Variants in PRSS3 observed in about 807,000 individuals in gnomAD.
The protein encoded by PRSS3 is serine protease 3.
Under a neutral mutation model 20.8 loss-of-function variants are expected in PRSS3, and 14 were observed. The ratio of observed to expected loss-of-function variants is 0.67; its 90% CI spans 0.44 to 1.05. PRSS3 has a LOEUF of 1.05. PRSS3 is among the 50% of genes least tolerant of loss of function. The pLI is 0.00. For synonymous variants in PRSS3, 91 were observed against 117.6 expected, an observed-to-expected ratio of 0.77 and a Z score of 1.46; for missense variants, 237 against 306.4, an observed-to-expected ratio of 0.77 and a Z score of 1.69.
chr9:33,775,229 CT>C (rs747345497), intron 1 of PRSS3, among the ~76,000 whole-genome samples: 52 of 152,080 alleles, frequency 3.4e-4, no homozygotes, highest in Admixed American at 3.4e-3. Flanking sequence ...GAGATTGTGG[CT>C]TTTTCTGCCT....
chr9:33,798,061 G>C lies in PRSS3; in HGVS notation c.433G>C (p.Gly145Arg). Residue 145 changes from glycine to arginine, a missense_variant, in exon 3 of 5, where the codon GGC (glycine) becomes CGC (arginine). Physicochemically the swap from Gly to Arg is moderately radical, Grantham distance 125. Transcript: ENST00000379405. The stretch of plus-strand genomic sequence containing the variant: ...CACTGAGTGCCTCATCTCCGGCTGG[G>C]GCAACACTCTGAGCTTTGGTGGTGA... The part of the protein sequence containing the change: ...AGTECLISGW[G>R]NTLSFGADYP... 6.2e-7 allele frequency: 1 copy of C among 1,614,236 alleles called. No homozygotes were observed. The highest frequency in any genetic ancestry group is 8.5e-7 in the Non-Finnish European group (1 of 1,180,034).
intron 1 of PRSS3, chr9:33,786,050 A>AGC (rs1824395752): frequency 3.7e-6 from 1 of 269,296 alleles, no homozygotes; most frequent in African/African-American, 2.3e-5. Flanking sequence ...CTGAGTGAAG[A>AGC]GCCACACAGT....
rs145160644 is a variant in PRSS3 at position 33,764,606 on chromosome 9, G to A, written c.-53+13879G>A. On this transcript the variant is annotated intron_variant, in intron 1 of 5. Coordinates refer to the PRSS3 transcript ENST00000342836. ...AATTCTTAGAAGAAAACATAGAAGT[G>A]GGTTTTCTGACCTTTGGTTAAGCAG... Among the ~76,000 whole-genome samples the A allele has an allele frequency of 8.9e-3, 1,360 of 152,186 alleles. 11 individuals are homozygous for A. Among genetic ancestry groups the A allele is most frequent in the Middle Eastern group, 0.034 (10 of 294 alleles).
rs1315789494 is a variant in PRSS3, at chr9:33,752,145, T to C, written c.-53+1418T>C. Among the ~76,000 whole-genome samples, 3 of 152,200 alleles carry C rather than the reference T, an allele frequency of 2.0e-5. No homozygotes were observed. The East Asian group carries it at 5.8e-4, about 29-fold the overall frequency. ...ATGAAGAAGGAAACAGTGCCCCCAC[T>C]TACTTATCCTCAGGCCACACCTGTT... On this transcript the variant is annotated intron_variant, in intron 1 of 5. Transcript: ENST00000342836.
chr9:33,790,691 T>C (rs1309515455), upstream of PRSS3, among the ~76,000 whole-genome samples: 1 of 152,254 alleles, frequency 6.6e-6, no homozygotes, highest in African/African-American at 2.4e-5. Context: ...CCCATTTCTA[T>C]ACCTCCTCAC....
Position 33,798,080 on chromosome 9 carries a change from G to A in PRSS3, c.452G>A (p.Gly151Asp), listed in dbSNP as rs368331698. The A allele has an allele frequency of 4.7e-5, 76 of 1,614,226 alleles. 1 individual carries two copies. The African/African-American group carries it at 5.2e-4, about 11-fold the overall frequency. The change falls in exon 3 of 5, where the codon GGT becomes GAT. Residue 151 changes from glycine to aspartate, a missense_variant and splice_region_variant. Gly to Asp is a moderately conservative substitution (Grantham distance 94). Coordinates refer to ENST00000379405, the MANE Select transcript of PRSS3 (RefSeq NM_002771.4). ...GGCTGGGGCAACACTCTGAGCTTTG[G>A]TGGTGAGTGGGACCCTTTGTCCTTC... ...ISGWGNTLSF[G>D]ADYPDELKCL...
chr9:33,786,712 G>C (rs765851101), intron 1 of PRSS3: 22 of 766,130 alleles, frequency 2.9e-5, no homozygotes, highest in African/African-American at 1.4e-4. Flanking sequence ...CCACATATGA[G>C]AGCAGATTTG....
At chr9:33,793,285 G>C (rs1318004183), upstream of PRSS3, among the ~76,000 whole-genome samples, 1 of 152,244 alleles carries the variant, frequency 6.6e-6, no homozygotes, top group Non-Finnish European at 1.5e-5. Flanking sequence ...GTGCACACTG[G>C]TGTCTACAGT....
intron 1 of PRSS3, among the ~76,000 whole-genome samples, chr9:33,772,515 G>T (rs1402142901): frequency 6.6e-6 from 1 of 152,102 alleles, no homozygotes; most frequent in East Asian, 1.9e-4. Context: ...TGAGTTGCCT[G>T]AATTTTAATG....
chr9:33,769,184 A>G (rs10758229), intron 1 of PRSS3, among the ~76,000 whole-genome samples: 112,759 of 152,106 alleles, frequency 0.74, 41,838 homozygotes, highest in East Asian at 0.83. Context: ...TAAAATATGA[A>G]AGGAGAGAGA....
chr9:33,770,075 G>A (rs879595291), intron 1 of PRSS3, among the ~76,000 whole-genome samples: 5 of 151,858 alleles, frequency 3.3e-5, no homozygotes, highest in Non-Finnish European at 7.4e-5. Flanking sequence ...AACCCAGGAG[G>A]CAGAGGTTGG....
chr9:33,768,110 A>G (rs1718119391), intron 1 of PRSS3, among the ~76,000 whole-genome samples: 2 of 152,252 alleles, frequency 1.3e-5, no homozygotes, highest in Admixed American at 1.3e-4. Flanking sequence ...GGAACTAAAC[A>G]GTGAGTAAGG....
At chr9:33,789,877 G>A (rs916611448) in intron 1 of PRSS3, among the ~76,000 whole-genome samples, 1 of 152,140 alleles carries the variant, frequency 6.6e-6, no homozygotes, top group Admixed American at 6.5e-5. Flanking sequence ...AACACTAGGT[G>A]TAACCTTAAC....
rs535702365 is a variant in PRSS3 at position 33,796,818 on chromosome 9, C to T, written c.200+16C>T. The T allele has an allele frequency of 6.2e-7, 1 of 1,613,934 alleles. No individual in the cohort carries two copies. The highest frequency in any genetic ancestry group is 1.3e-5 in the African/African-American group (1 of 75,066). ...GCTACAAGACGTAAGTGTGGGGCCCCTGACTGCAAAGCTCCCAGCCAGGCT... is the reference window on the plus strand; with the variant it reads ...GCTACAAGACGTAAGTGTGGGGCCCTTGACTGCAAAGCTCCCAGCCAGGCT... On this transcript the variant is annotated intron_variant, in intron 2 of 4. Transcript: ENST00000379405.
upstream of PRSS3, among the ~76,000 whole-genome samples, chr9:33,795,250 C>T (rs1824851192): frequency 6.6e-6 from 1 of 152,070 alleles, no homozygotes; most frequent in African/African-American, 2.4e-5. Context: ...CTCCTTCTAA[C>T]CCTCATCTCC....
intron 1 of PRSS3, chr9:33,762,045 T>A (rs181906477): frequency 1.3e-5 from 2 of 152,302 alleles, no homozygotes; most frequent in South Asian, 2.1e-4. Context: ...ATCCATTATA[T>A]TATTTCCTTA....
intron 1 of PRSS3, among the ~76,000 whole-genome samples, chr9:33,763,254 A>G (rs1029808652): frequency 5.3e-5 from 8 of 152,224 alleles, no homozygotes. Flanking sequence ...GCTGGTTTCT[A>G]TCCTTTCCCT....
chr9:33,755,575 A>G (rs1256797413), intron 1 of PRSS3, among the ~76,000 whole-genome samples: 1 of 152,138 alleles, frequency 6.6e-6, no homozygotes, highest in African/African-American at 2.4e-5. Context: ...GTTATATCCT[A>G]AATTTTTGAT....
At chr9:33,789,010 T>C (rs1245192239) in intron 1 of PRSS3, among the ~76,000 whole-genome samples, 1 of 152,216 alleles carries the variant, frequency 6.6e-6, no homozygotes, top group Non-Finnish European at 1.5e-5. Flanking sequence ...ACTTGGGTCA[T>C]TTACAAATAT....
Sources: gnomAD v4.1 joint callset for allele counts (sites outside exome capture counted in the v4.1 genomes callset) on GRCh38, gnomAD v4.1.1 for gene constraint, MANE v1.5 for transcripts, NCBI Gene and HGNC (gene_info 2026-07-23, HGNC 2026-07-21) for gene names.